ZNF577: variants seen among roughly 807,000 people sequenced by gnomAD.
ZNF577 encodes zinc finger protein 577.
A neutral mutation model predicts 13.9 loss-of-function variants in ZNF577; 14 were observed. The observed-to-expected ratio is 1.00, with a 90% CI of 0.66 to 1.57. ZNF577 has a LOEUF of 1.57. ZNF577 is among the 40% of genes most tolerant of loss of function. The pLI is 0.00. For missense variants in ZNF577, 555 were observed against 579.2 expected, an observed-to-expected ratio of 0.96 and a Z score of 0.43; for synonymous variants, 203 against 202.9, an observed-to-expected ratio of 1.00 and a Z score of 0.00.
At chr19:51,829,589 C>T (rs1000957395) in intron 9 of ZNF577, among the ~76,000 whole-genome samples, 1 of 152,198 alleles carries the variant, frequency 6.6e-6, no homozygotes, top group African/African-American at 2.4e-5. Flanking sequence ...TTCCCACCAT[C>T]CTGACCGATC....
chr19:51,845,991 A>G (rs2084349306), intron 5 of ZNF577, among the ~76,000 whole-genome samples: 1 of 152,100 alleles, frequency 6.6e-6, no homozygotes, highest in South Asian at 2.1e-4. Context: ...GCCCAGTAGT[A>G]GGATTGCTGC....
intron 9 of ZNF577, among the ~76,000 whole-genome samples, chr19:51,814,786 C>G (rs1455861358): frequency 6.7e-6 from 1 of 148,850 alleles, no homozygotes; most frequent in East Asian, 2.1e-4. Context: ...AGCCACTGCA[C>G]TCGGCCTAAA....
At chr19:51,880,606 A>T (rs17835286) in intron 2 of ZNF577, 73 bp downstream of exon 2, 33,160 of 576,710 alleles carry the variant, frequency 0.057, 2,367 homozygotes, top group South Asian at 0.24. Context: ...ATCTCATTTA[A>T]CCAGACTGTC....
chr19:51,856,601 T>G (rs1356319300), intron 5 of ZNF577, among the ~76,000 whole-genome samples: 1 of 152,238 alleles, frequency 6.6e-6, no homozygotes, highest in African/African-American at 2.4e-5. Flanking sequence ...TGTCATATTC[T>G]AGACATCCAC....
intron 10 of ZNF577, among the ~76,000 whole-genome samples, chr19:51,805,629 T>C (rs1217011125): frequency 6.6e-6 from 1 of 152,184 alleles, no homozygotes; most frequent in East Asian, 1.9e-4. Context: ...AACCATGGAT[T>C]TCAACATTGC....
intron 9 of ZNF577, among the ~76,000 whole-genome samples, chr19:51,823,587 C>T (rs79957479): frequency 1.3e-5 from 2 of 152,212 alleles, no homozygotes; most frequent in East Asian, 3.9e-4. Context: ...CAAAGGAACT[C>T]CGAGAGAGTG....
chr19:51,807,557 A>T (rs2084068589), intron 10 of ZNF577, among the ~76,000 whole-genome samples: 1 of 152,202 alleles, frequency 6.6e-6, no homozygotes, highest in African/African-American at 2.4e-5. Context: ...CATTGACCTG[A>T]AACCCCAGAG....
At chr19:51,833,357 C>T (rs1243196969) in intron 9 of ZNF577, among the ~76,000 whole-genome samples, 1 of 152,174 alleles carries the variant, frequency 6.6e-6, no homozygotes. Context: ...CATTCTTTCC[C>T]ATTTTCCCTA....
chr19:51,853,907 C>T (rs2084392780), intron 5 of ZNF577, among the ~76,000 whole-genome samples: 1 of 152,062 alleles, frequency 6.6e-6, no homozygotes, highest in Non-Finnish European at 1.5e-5. Context: ...CTGCTATTTA[C>T]CTTCAAATAG....
At chr19:51,878,086 G>A (rs2122696349) in intron 4 of ZNF577, 1 of 188,250 alleles carries the variant, frequency 5.3e-6, no homozygotes, top group Non-Finnish European at 1.1e-5. Context: ...AGTGAATGGT[G>A]GTCACCAGGA....
chr19:51,808,953 T>C (rs1333949465), intron 10 of ZNF577, among the ~76,000 whole-genome samples: 1 of 152,204 alleles, frequency 6.6e-6, no homozygotes, highest in African/African-American at 2.4e-5. Context: ...GCCATTCTAA[T>C]AGTGAGGCAG....
chr19:51,844,767 T>C (rs1390983085), exon 6 of ZNF577: 1 of 152,224 alleles, frequency 6.6e-6, no homozygotes, highest in East Asian at 1.9e-4. Flanking sequence ...CTTGGAACTT[T>C]GTCATGTTCA....
chr19:51,834,245 TTTTA>T (rs895490596), intron 9 of ZNF577, among the ~76,000 whole-genome samples: 4 of 152,274 alleles, frequency 2.6e-5, no homozygotes, highest in African/African-American at 4.8e-5. Context: ...GCCACACTCC[TTTTA>T]TTTATTTATT....
chr19:51,845,236 T>C (rs760723488), intron 5 of ZNF577, among the ~76,000 whole-genome samples: 1 of 152,200 alleles, frequency 6.6e-6, no homozygotes, highest in Non-Finnish European at 1.5e-5. Flanking sequence ...GGCTCACACC[T>C]GTAATCCCAG....
chr19:51,866,610 T>G (rs927313343), downstream of ZNF577, among the ~76,000 whole-genome samples: 1 of 152,182 alleles, frequency 6.6e-6, no homozygotes, highest in African/African-American at 2.4e-5. Flanking sequence ...AATAAATTTG[T>G]GTTGTTTCAA....
At chr19:51,816,361 C>T (rs2084137071) in intron 9 of ZNF577, among the ~76,000 whole-genome samples, 1 of 152,170 alleles carries the variant, frequency 6.6e-6, no homozygotes, top group Admixed American at 6.5e-5. Flanking sequence ...GATTCTCGTG[C>T]CTCAGCCTCC....
chr19:51,832,064 T>C (rs4801898), intron 9 of ZNF577, among the ~76,000 whole-genome samples: 64,370 of 151,994 alleles, frequency 0.42, 13,804 homozygotes, highest in South Asian at 0.58. Flanking sequence ...TTGTAGCTTT[T>C]TGTCAATCAC....
At chr19:51,806,646 G>A (rs1269892241) in intron 10 of ZNF577, among the ~76,000 whole-genome samples, 1 of 152,174 alleles carries the variant, frequency 6.6e-6, no homozygotes, top group Non-Finnish European at 1.5e-5. Context: ...CAAAGCTGTA[G>A]GAAATTTTGA....
chr19:51,867,632 A>G lies in ZNF577; in HGVS notation c.*4900T>C, dbSNP rs907486369. Among the ~76,000 whole-genome samples, 1 of 151,644 alleles carries G rather than the reference A, an allele frequency of 6.6e-6. No individual in the cohort carries two copies. The highest frequency in any genetic ancestry group is 6.6e-5 in the Admixed American group (1 of 15,216). Reference sequence around the variant, plus strand: ...TACTAAAAATACAAAAAAAAAAAAAAAAATTAGCCGGGTGTGGTGGCAGGC... The same window carrying G: ...TACTAAAAATACAAAAAAAAAAAAAGAAATTAGCCGGGTGTGGTGGCAGGC... On this transcript the variant is annotated 3_prime_UTR_variant, in exon 6 of 6. Coordinates refer to ENST00000638348, the MANE Select transcript of ZNF577 (RefSeq NM_001370449.1).
Sources: allele counts gnomAD v4.1 joint callset (sites outside exome capture counted in the v4.1 genomes callset), GRCh38; gene constraint gnomAD v4.1.1; transcripts MANE v1.5; gene names NCBI Gene and HGNC (gene_info 2026-07-23, HGNC 2026-07-21).